Variants in HLA-DPB1 observed in about 807,000 individuals in gnomAD.
HLA-DPB1 encodes the protein major histocompatibility complex, class II, DP beta 1, also known as HLA class II histocompatibility antigen, DP beta 1 chain.
HLA-DPB1 carries 30 observed loss-of-function variants against 29.4 expected under a neutral mutation model. The observed-to-expected ratio is 1.02, with a 90% confidence interval of 0.76 to 1.38. The LOEUF (loss-of-function observed/expected upper bound fraction) is 1.38, where lower values mean the gene tolerates loss of function less well. Ranked by LOEUF, HLA-DPB1 falls within the 40% of genes most tolerant of loss-of-function variation. The pLI is 0.00. For missense variants in HLA-DPB1, 261 were observed against 327.5 expected, an observed-to-expected ratio of 0.80 and a Z score of 1.57; for synonymous variants, 114 against 134.0, an observed-to-expected ratio of 0.85 and a Z score of 1.03.
In HLA-DPB1 at chr6:33,085,770, C is replaced by T; in HGVS notation, c.647-9C>T. 1.2e-6 allele frequency: 2 copies of T among 1,604,670 alleles called. No individual in the cohort carries two copies. The highest frequency in any genetic ancestry group is 1.7e-6 in the Non-Finnish European group (2 of 1,171,580). ...GAGGTGACACTAAACCTGGGTCTGTCCTTCCCAGAGGCACAGTCTGATTCT... is the reference window on the plus strand; with the variant it reads ...GAGGTGACACTAAACCTGGGTCTGTTCTTCCCAGAGGCACAGTCTGATTCT... On this transcript the variant is annotated splice_polypyrimidine_tract_variant and intron_variant, in intron 3 of 5. Transcript: ENST00000418931.
chr6:33,081,718 G>T lies in HLA-DPB1; in HGVS notation c.364+783G>T, dbSNP rs374545273. 1.5e-3 allele frequency among the ~76,000 whole-genome samples: 230 copies of T among 152,260 alleles called. 3 individuals are homozygous for T. The highest frequency in any genetic ancestry group is 5.3e-3 in the African/African-American group (220 of 41,534). ...GGGGGTGCATGAGGCTGAGTGTGGC[G>T]CATCCTCCTCGGGGCTGAGATGGAT... On this transcript the variant is annotated intron_variant, in intron 2 of 5. Transcript: ENST00000418931.
intron 1 of HLA-DPB1, among the ~76,000 whole-genome samples, chr6:33,078,551 A>C (rs1000127410): frequency 6.6e-6 from 1 of 152,190 alleles, no homozygotes; most frequent in African/African-American, 2.4e-5. Flanking sequence ...ATTCATTCAG[A>C]TCAGTGGTTT....
chr6:33,076,058 T>C lies in HLA-DPB1; in HGVS notation c.17T>C (p.Val6Ala). The change falls in exon 1 of 6, where the codon GTT (valine) becomes GCT (alanine). Residue 6 changes from valine (V) to alanine (A), a missense_variant. Coordinates refer to ENST00000418931, the MANE Select transcript of HLA-DPB1 (RefSeq NM_002121.6). ...TCCAGCTCCATGATGGTTCTGCAGG[T>C]TTCTGCGGCCCCCCGGACAGTGGCT... MMVLQ[V>A]SAAPRTVALT... is the part of the protein sequence containing the mutation. 2 of 1,612,364 alleles carry C rather than the reference T, an allele frequency of 1.2e-6. No homozygotes were observed. The highest frequency in any genetic ancestry group is 1.7e-6 in the Non-Finnish European group (2 of 1,179,810).
rs747365417 is a variant in HLA-DPB1, at chr6:33,086,239, A to AG, written c.*1_*2insG. On this transcript the variant is annotated 3_prime_UTR_variant, in exon 5 of 6. Coordinates refer to ENST00000418931, the MANE Select transcript of HLA-DPB1 (RefSeq NM_002121.6). ...TTCAGTTCAACGAGGATCTGCATAA[A>AG]CAGGTAATATTCCTGCTTTGATTTC... 2.5e-6 allele frequency: 4 copies of AG among 1,582,646 alleles called. No homozygotes were observed. The highest frequency in any genetic ancestry group is 3.5e-6 in the Non-Finnish European group (4 of 1,153,406).
chr6:33,079,110 C>T (rs1762706229), intron 1 of HLA-DPB1, among the ~76,000 whole-genome samples: 1 of 152,250 alleles, frequency 6.6e-6, no homozygotes, highest in Non-Finnish European at 1.5e-5. Flanking sequence ...TCTCCACTAT[C>T]CTCTGCCACC....
At chr6:33,085,558 T>A (rs1163167663) in intron 3 of HLA-DPB1, among the ~76,000 whole-genome samples, 1 of 152,160 alleles carries the variant, frequency 6.6e-6, no homozygotes, top group Non-Finnish European at 1.5e-5. Context: ...TTCTCAGGCA[T>A]TTTGAGAGGC....
chr6:33,087,727 C>T lies in HLA-DPB1; in HGVS notation c.*1193C>T, dbSNP rs1253155700. Among the ~76,000 whole-genome samples, 3 of 152,308 alleles carry T rather than the reference C, an allele frequency of 2.0e-5. No individual in the cohort carries two copies. Among genetic ancestry groups the T allele is most frequent in the African/African-American group, 7.2e-5 (3 of 41,554 alleles). On this transcript the variant is annotated 3_prime_UTR_variant, in exon 6 of 6. Transcript: ENST00000418931. ...ATAATATCTTCCATCGGGGGACCGGCTTCCTCCAATTTCAGGAGAGGTGGG... is the reference window on the plus strand; with the variant it reads ...ATAATATCTTCCATCGGGGGACCGGTTTCCTCCAATTTCAGGAGAGGTGGG...
rs762588336 is a variant in HLA-DPB1 at position 33,085,185 on chromosome 6, C to T, written c.600C>T (p.Cys200=). 1.9e-6 allele frequency: 3 copies of T among 1,612,834 alleles called. No individual in the cohort carries two copies. Among genetic ancestry groups the T allele is most frequent in the Admixed American group, 3.3e-5 (2 of 60,016 alleles). Residue 200 remains cysteine (C), a synonymous_variant, in exon 3 of 6, where the codon TGC becomes TGT. Coordinates refer to ENST00000418931, the MANE Select transcript of HLA-DPB1 (RefSeq NM_002121.6). ...CCCAGCAGGGAGATGTCTACACCTGCCAAGTGGAGCACACCAGCCTGGATA... is the reference window on the plus strand; with the variant it reads ...CCCAGCAGGGAGATGTCTACACCTGTCAAGTGGAGCACACCAGCCTGGATA... The part of the protein sequence containing the change: ...MTPQQGDVYT[C]QVEHTSLDSP...
chr6:33,084,925 C>CA (rs1763028523), intron 2 of HLA-DPB1, 25 bp from the exon 3 acceptor site: 1 of 1,409,814 alleles, frequency 7.1e-7, no homozygotes, highest in Non-Finnish European at 9.7e-7. Flanking sequence ...AATTCTATTT[C>CA]ATTATTTTTC....
chr6:33,076,609 C>A (rs1277440333), intron 1 of HLA-DPB1, among the ~76,000 whole-genome samples: 1 of 152,178 alleles, frequency 6.6e-6, no homozygotes, highest in Non-Finnish European at 1.5e-5. Flanking sequence ...CAGGAGCCCA[C>A]ATCCCTTGGA....
At chr6:33,076,216 C>A in intron 1 of HLA-DPB1, 75 bp downstream of exon 1, 2 of 1,016,288 alleles carry the variant, frequency 2.0e-6, no homozygotes, top group Non-Finnish European at 1.5e-6. Context: ...TTTAAGGGAT[C>A]AAATTCTGAG....
In HLA-DPB1 at chr6:33,084,963, G is replaced by A. The variant is rs1048124057; in HGVS notation, c.378G>A (p.Val126=). ...CCACGCTCCTAGTCCAGCCTAGGGT[G>A]AATGTTTCCCCCTCCAAGAAGGGGC... ...MTLQRRVQPR[V]NVSPSKKGPL... is the part of the protein sequence containing the mutation. The change falls in exon 3 of 6, where the codon GTG becomes GTA. Residue 126 remains valine (V), a synonymous_variant. Transcript: ENST00000418931. 1 of 1,579,748 alleles carries A rather than the reference G, an allele frequency of 6.3e-7. No individual in the cohort carries two copies. The highest frequency in any genetic ancestry group is 1.1e-5 in the South Asian group (1 of 90,318).
rs775077595 is a variant in HLA-DPB1, at chr6:33,086,249, T to G, written c.*4+7T>G. On this transcript the variant is annotated splice_region_variant and intron_variant, in intron 5 of 5. Transcript: ENST00000418931. ...CGAGGATCTGCATAAACAGGTAATA[T>G]TCCTGCTTTGATTTCCTTGTGGGGT... The G allele has an allele frequency of 6.3e-7, 1 of 1,579,456 alleles. No individual in the cohort carries two copies. Among genetic ancestry groups the G allele is most frequent in the Admixed American group, 1.7e-5 (1 of 59,958 alleles).
rs1762533220 is a variant in HLA-DPB1 at position 33,076,276 on chromosome 6, AGAG to A, written c.100+136_100+138del. On this transcript the variant is annotated intron_variant, in intron 1 of 5. Transcript: ENST00000418931. ...AAGGCAGTGTCCTCTCTTCCCAGCT[AGAG>A]AAAGAGGTTCATCCCCTATAGGATA... 7.9e-6 allele frequency: 5 copies of A among 635,616 alleles called. No individual in the cohort carries two copies. The South Asian group carries it at 9.6e-5, about 12-fold the overall frequency. The allele number at this position is 635,616 out of a possible 1,614,324, so 39.4% of individuals were successfully genotyped here. A position where few individuals can be genotyped will look rare whatever the true frequency, so the allele number is the denominator to read the frequency against.
rs1029746008 is a variant in HLA-DPB1 at position 33,087,615 on chromosome 6, T to A, written c.*1081T>A. Among the ~76,000 whole-genome samples, 1 of 152,176 alleles carries A rather than the reference T, an allele frequency of 6.6e-6. No homozygotes were observed. The highest frequency in any genetic ancestry group is 2.4e-5 in the African/African-American group (1 of 41,442). On this transcript the variant is annotated 3_prime_UTR_variant, in exon 6 of 6. Coordinates refer to ENST00000418931, the MANE Select transcript of HLA-DPB1 (RefSeq NM_002121.6). ...CAGTCTCCCTGGCTTCTTACAAGCA[T>A]CTTCTGGGCCTTGTGTGTCCCTGGG...
rs1763258127 is a variant in HLA-DPB1 at position 33,089,509 on chromosome 6, TG to T, written c.*2976del. On this transcript the variant is annotated 3_prime_UTR_variant, in exon 6 of 6. Coordinates refer to ENST00000418931, the MANE Select transcript of HLA-DPB1 (RefSeq NM_002121.6). ...TGCTCCCAGAACCTCCCCAGCAGAA[TG>T]AAGGGAACCTAAGAATTTATTCACT... Among the ~76,000 whole-genome samples the T allele has an allele frequency of 6.6e-6, 1 of 152,190 alleles. No homozygotes were observed. The highest frequency in any genetic ancestry group is 2.4e-5 in the African/African-American group (1 of 41,458).
intron 2 of HLA-DPB1, chr6:33,082,097 C>T (rs927301431): frequency 6.6e-6 from 1 of 152,204 alleles, no homozygotes; most frequent in Non-Finnish European, 1.5e-5. Flanking sequence ...AGGAAGTTCA[C>T]CTGCTATGAG....
intron 2 of HLA-DPB1, among the ~76,000 whole-genome samples, chr6:33,082,674 G>C (rs1458601479): frequency 6.6e-6 from 1 of 152,158 alleles, no homozygotes; most frequent in East Asian, 1.9e-4. Flanking sequence ...GCATGAGTTA[G>C]AACAGGGAAA....
rs1318476870 is a variant in HLA-DPB1, at chr6:33,087,945, C to T, written c.*1411C>T. ...TTTTTCTTTTTAAAACATCTTTATCCCTGATCAGCCTCATTTCCTCAAAAA... is the reference window on the plus strand; with the variant it reads ...TTTTTCTTTTTAAAACATCTTTATCTCTGATCAGCCTCATTTCCTCAAAAA... On this transcript the variant is annotated 3_prime_UTR_variant, in exon 6 of 6. Transcript: ENST00000418931. 6.6e-6 allele frequency among the ~76,000 whole-genome samples: 1 copy of T among 152,006 alleles called. No homozygotes were observed. Among genetic ancestry groups the T allele is most frequent in the African/African-American group, 2.4e-5 (1 of 41,336 alleles).
Sources: gnomAD v4.1 joint callset for allele counts (sites outside exome capture counted in the v4.1 genomes callset) on GRCh38, gnomAD v4.1.1 for gene constraint, MANE v1.5 for transcripts, NCBI Gene and HGNC (gene_info 2026-07-23, HGNC 2026-07-21) for gene names.